Variants in STPG4 observed in about 807,000 individuals in gnomAD.
STPG4 encodes the protein sperm-tail PG-rich repeat containing 4.
A neutral mutation model predicts 31.5 loss-of-function variants in STPG4; 41 were observed. That is an observed-to-expected ratio of 1.30 (90% CI 1.01 to 1.69). STPG4 has a LOEUF of 1.69. Ranked by LOEUF, STPG4 falls within the 40% of genes most tolerant of loss-of-function variation. The pLI, the probability that STPG4 is intolerant of heterozygous loss-of-function variation, is 0.00. For missense variants in STPG4, 375 were observed against 293.4 expected (o/e 1.28, Z -2.03); for synonymous variants, 141 against 103.0 (o/e 1.37, Z -2.24).
intron 5 of STPG4, among the ~76,000 whole-genome samples, chr2:47,116,141 G>A (rs1191769473): frequency 1.3e-5 from 2 of 152,192 alleles, no homozygotes; most frequent in East Asian, 1.9e-4. Context: ...TGCCCAAGGG[G>A]CCTATGTCCA....
At chr2:47,118,567 G>A (rs6730038) in intron 5 of STPG4, among the ~76,000 whole-genome samples, 3,865 of 152,262 alleles carry the variant, frequency 0.025, 171 homozygotes, top group African/African-American at 0.088. Flanking sequence ...ACTGTCTTCT[G>A]TGAAACCAGT....
chr2:47,109,111 C>T (rs1685984033), intron 5 of STPG4, among the ~76,000 whole-genome samples: 1 of 152,210 alleles, frequency 6.6e-6, no homozygotes, highest in Non-Finnish European at 1.5e-5. Flanking sequence ...TCTTCTGTTT[C>T]CAGTCAAGAA....
chr2:47,113,779 A>C (rs1411746369), intron 5 of STPG4, among the ~76,000 whole-genome samples: 2 of 152,154 alleles, frequency 1.3e-5, no homozygotes, highest in Non-Finnish European at 2.9e-5. Context: ...TCATGCCTGT[A>C]ATCCCAGCAT....
chr2:47,143,292 G>A (rs535052571), intron 3 of STPG4, among the ~76,000 whole-genome samples: 1 of 152,298 alleles, frequency 6.6e-6, no homozygotes, highest in Admixed American at 6.5e-5. Flanking sequence ...CAACGTGTGA[G>A]AGTATCTGTT....
At chr2:47,119,459 C>T (rs1686222303) in intron 5 of STPG4, among the ~76,000 whole-genome samples, 1 of 152,132 alleles carries the variant, frequency 6.6e-6, no homozygotes, top group African/African-American at 2.4e-5. Flanking sequence ...TTTCACATAC[C>T]AAGTAGATTG....
intron 3 of STPG4, among the ~76,000 whole-genome samples, chr2:47,134,037 C>CATACAT (rs144008683): frequency 0.08 from 12,071 of 151,606 alleles, 531 homozygotes; most frequent in South Asian, 0.18. Context: ...TACATATACA[C>CATACAT]ATACATATAC....
At chr2:47,095,745 A>G (rs1685658050) in intron 5 of STPG4, among the ~76,000 whole-genome samples, 1 of 152,206 alleles carries the variant, frequency 6.6e-6, no homozygotes, top group Non-Finnish European at 1.5e-5. Context: ...AACTGGGCTC[A>G]TGTCTACCCA....
chr2:47,108,459 T>G (rs576796441), intron 5 of STPG4: 1 of 156,044 alleles, frequency 6.4e-6, no homozygotes, highest in African/African-American at 2.4e-5. Context: ...ACTCCGAACA[T>G]ATCCGAACAT....
At chr2:47,140,135 G>A (rs1452343354) in intron 3 of STPG4, among the ~76,000 whole-genome samples, 1 of 152,060 alleles carries the variant, frequency 6.6e-6, no homozygotes, top group Non-Finnish European at 1.5e-5. Flanking sequence ...GAAAATCTGT[G>A]ACCATCTGTA....
At chr2:47,094,006 T>C (rs1411310948) in intron 5 of STPG4, among the ~76,000 whole-genome samples, 2 of 152,208 alleles carry the variant, frequency 1.3e-5, no homozygotes, top group East Asian at 1.9e-4. Context: ...CCCAGTTCAA[T>C]AGGAGGGTGT....
chr2:47,116,924 C>T (rs1296809670), intron 5 of STPG4, among the ~76,000 whole-genome samples: 1 of 152,130 alleles, frequency 6.6e-6, no homozygotes, highest in African/African-American at 2.4e-5. Flanking sequence ...GATATAAATA[C>T]AAATTTCCCT....
Position 47,087,105 on chromosome 2 carries a change from G to C in STPG4, c.650C>G (p.Thr217Arg). The change falls in exon 7 of 7, where the codon ACA (threonine) becomes AGA (arginine). Residue 217 changes from threonine to arginine, a missense_variant. Transcript: ENST00000445927. ...CSKTPGPGAY[T>R]TLRQFPKQSP... ...CTGCTTAGGGAATTGTCTTAAAGTT[G>C]TATATGCTCCTGGGCCTGGGGTTTT... 1.9e-6 allele frequency: 3 copies of C among 1,551,828 alleles called. No individual in the cohort carries two copies. Among genetic ancestry groups the C allele is most frequent in the Non-Finnish European group, 2.6e-6 (3 of 1,147,006 alleles).
At chr2:47,143,215 A>T (rs1686752481) in intron 3 of STPG4, among the ~76,000 whole-genome samples, 1 of 152,150 alleles carries the variant, frequency 6.6e-6, no homozygotes, top group Admixed American at 6.5e-5. Flanking sequence ...GGCTATGTGC[A>T]TTTAGAATGT....
chr2:47,120,835 T>TA (rs1222853932), intron 5 of STPG4, among the ~76,000 whole-genome samples: 1 of 152,180 alleles, frequency 6.6e-6, no homozygotes, highest in Non-Finnish European at 1.5e-5. Context: ...AAAAAACATT[T>TA]ATGTTTGGTG....
Position 47,093,033 on chromosome 2 carries a change from T to C in STPG4, c.520-2659A>G, listed in dbSNP as rs182568373. 2.8e-3 allele frequency among the ~76,000 whole-genome samples: 428 copies of C among 152,274 alleles called. 8 individuals carry two copies. The highest frequency in any genetic ancestry group is 0.02 in the Admixed American group (310 of 15,296). On this transcript the variant is annotated intron_variant, in intron 5 of 6. Transcript: ENST00000445927. ...GTCTCGAACTCCTGACCTCATGATCTGCCCGCCTCAGCCTCTCAAAGTGCT... is the reference window on the plus strand; with the variant it reads ...GTCTCGAACTCCTGACCTCATGATCCGCCCGCCTCAGCCTCTCAAAGTGCT...
chr2:47,096,547 A>G (rs1299302925), intron 5 of STPG4, among the ~76,000 whole-genome samples: 2 of 152,240 alleles, frequency 1.3e-5, no homozygotes, highest in African/African-American at 4.8e-5. Flanking sequence ...GGTCGCCGAG[A>G]TATCTTCATC....
chr2:47,123,796 T>G (rs1281893269), intron 5 of STPG4, among the ~76,000 whole-genome samples: 1 of 152,178 alleles, frequency 6.6e-6, no homozygotes, highest in Non-Finnish European at 1.5e-5. Context: ...TAGTATATTT[T>G]ATTTTGAAAA....
At chr2:47,110,608 A>T (rs1223769869) in intron 5 of STPG4, among the ~76,000 whole-genome samples, 1 of 152,246 alleles carries the variant, frequency 6.6e-6, no homozygotes, top group East Asian at 1.9e-4. Flanking sequence ...AAACAAAATT[A>T]TATTTTGAAA....
chr2:47,122,129 T>C (rs1052503132), intron 5 of STPG4, among the ~76,000 whole-genome samples: 10 of 152,192 alleles, frequency 6.6e-5, no homozygotes, highest in African/African-American at 2.2e-4. Flanking sequence ...TTTTTCACCT[T>C]GTAATCTGAA....
Sources: gnomAD v4.1 joint callset for allele counts (sites outside exome capture counted in the v4.1 genomes callset) on GRCh38, gnomAD v4.1.1 for gene constraint, MANE v1.5 for transcripts, NCBI Gene and HGNC (gene_info 2026-07-23, HGNC 2026-07-21) for gene names.